The following MACROD2 variants were observed in gnomAD, a reference collection of about 807,000 sequenced individuals.
MACROD2 encodes the protein mono-ADP ribosylhydrolase 2.
Under a neutral mutation model 70.4 loss-of-function variants are expected in MACROD2, and 36 were observed. The ratio of observed to expected loss-of-function variants is 0.51; its 90% confidence interval spans 0.39 to 0.68. The LOEUF is 0.68. MACROD2 is among the 30% of genes least tolerant of loss of function. The probability of loss-of-function intolerance (pLI) is 0.00; values close to 1 mark genes in which losing one functional copy is unlikely to be tolerated. For missense variants in MACROD2, 496 were observed against 538.4 expected, an observed-to-expected ratio of 0.92 and a Z score of 0.78; for synonymous variants, 172 against 178.8, an observed-to-expected ratio of 0.96 and a Z score of 0.30.
chr20:15,751,024 G>A (rs2146980784), intron 8 of MACROD2, among the ~76,000 whole-genome samples: 1 of 151,976 alleles, frequency 6.6e-6, no homozygotes, highest in African/African-American at 2.4e-5. Flanking sequence ...GGGAGAGATT[G>A]GTCAATGCAT....
At chr20:15,469,380 A>AT (rs2046936037) in intron 7 of MACROD2, among the ~76,000 whole-genome samples, 1 of 152,196 alleles carries the variant, frequency 6.6e-6, no homozygotes, top group Non-Finnish European at 1.5e-5. Flanking sequence ...CAGGGTACAC[A>AT]TGGAATACTG....
At chr20:14,903,639 T>G (rs995372977) in intron 5 of MACROD2, among the ~76,000 whole-genome samples, 1 of 152,078 alleles carries the variant, frequency 6.6e-6, no homozygotes, top group Non-Finnish European at 1.5e-5. Context: ...TTTTGACAGG[T>G]TGCAGTATTC....
At chr20:15,221,087 A>G (rs1445247256) in intron 5 of MACROD2, among the ~76,000 whole-genome samples, 3 of 152,144 alleles carry the variant, frequency 2.0e-5, no homozygotes, top group Admixed American at 6.5e-5. Context: ...TTGTAGAATT[A>G]CCCTTGCAGT....
intron 8 of MACROD2, among the ~76,000 whole-genome samples, chr20:15,797,550 G>C (rs570213752): frequency 7.9e-5 from 12 of 152,268 alleles, no homozygotes; most frequent in African/African-American, 1.2e-4. Context: ...CAAAGTAAAA[G>C]CTTCTTAGAT....
intron 8 of MACROD2, among the ~76,000 whole-genome samples, chr20:15,810,945 A>G (rs1416268580): frequency 6.7e-6 from 1 of 150,280 alleles, no homozygotes; most frequent in Non-Finnish European, 1.5e-5. Flanking sequence ...TTCAAGATGG[A>G]TTAAAGACTT....
At chr20:14,509,846 T>A (rs1201807829) in intron 4 of MACROD2, among the ~76,000 whole-genome samples, 1 of 152,050 alleles carries the variant, frequency 6.6e-6, no homozygotes, top group African/African-American at 2.4e-5. Context: ...GTTAGATTTT[T>A]CTTCAGAACT....
intron 5 of MACROD2, among the ~76,000 whole-genome samples, chr20:15,176,831 C>G (rs2076465734): frequency 6.6e-6 from 1 of 152,176 alleles, no homozygotes; most frequent in Non-Finnish European, 1.5e-5. Context: ...TTCAGGGAGT[C>G]CAGACCTAGG....
At chr20:14,309,795 C>T (rs1373619294) in intron 3 of MACROD2, among the ~76,000 whole-genome samples, 1 of 152,064 alleles carries the variant, frequency 6.6e-6, no homozygotes. Context: ...TTCTTGACCA[C>T]GTTGGCTAAT....
intron 4 of MACROD2, among the ~76,000 whole-genome samples, chr20:14,613,123 A>C (rs1305699653): frequency 6.6e-6 from 1 of 152,106 alleles, no homozygotes; most frequent in Non-Finnish European, 1.5e-5. Context: ...GGGTATTAAA[A>C]ACAGGGGTAT....
chr20:14,925,991 A>G (rs978116925), intron 5 of MACROD2, among the ~76,000 whole-genome samples: 2 of 152,148 alleles, frequency 1.3e-5, no homozygotes, highest in Non-Finnish European at 2.9e-5. Context: ...TCTGTGGCAT[A>G]CTTACTCCAT....
At chr20:15,082,857 A>T (rs191887516) in intron 5 of MACROD2, among the ~76,000 whole-genome samples, 19 of 151,950 alleles carry the variant, frequency 1.3e-4, no homozygotes, top group African/African-American at 4.3e-4. Flanking sequence ...TTGTGCAACT[A>T]AAAAAAAGCC....
chr20:14,955,715 C>A (rs1259711009), intron 5 of MACROD2, among the ~76,000 whole-genome samples: 2 of 152,064 alleles, frequency 1.3e-5, no homozygotes, highest in Non-Finnish European at 2.9e-5. Context: ...CACCCCCAGC[C>A]CTGCAACTGC....
intron 6 of MACROD2, among the ~76,000 whole-genome samples, chr20:15,300,925 C>T (rs73265009): frequency 0.013 from 1,940 of 152,268 alleles, 15 homozygotes; most frequent in African/African-American, 0.028. Flanking sequence ...TTTGATTTCC[C>T]CCGTCTCAGC....
intron 8 of MACROD2, among the ~76,000 whole-genome samples, chr20:15,780,231 A>G (rs4813195): frequency 0.093 from 14,102 of 152,092 alleles, 1,395 homozygotes; most frequent in East Asian, 0.33. Context: ...AGAAAAATAA[A>G]TATTTATTTA....
At chr20:15,438,589 T>C (rs768545108) in intron 7 of MACROD2, among the ~76,000 whole-genome samples, 12 of 151,184 alleles carry the variant, frequency 7.9e-5, no homozygotes, top group Non-Finnish European at 1.5e-4. Flanking sequence ...AAGTCTTCCT[T>C]AGGTATGCCA....
rs549465857 is a variant in MACROD2, at chr20:15,878,053, C to T, written c.728-7711C>T. Among the ~76,000 whole-genome samples the T allele has an allele frequency of 5.7e-4, 86 of 152,084 alleles. 2 individuals are homozygous for T. The highest frequency in any genetic ancestry group is 4.1e-4 in the South Asian group (2 of 4,824). ...CTCCTTTTCTCATGCCACCCACAGACCTCCTTGAGGCTAGTCTCCATTCAT... is the reference window on the plus strand; with the variant it reads ...CTCCTTTTCTCATGCCACCCACAGATCTCCTTGAGGCTAGTCTCCATTCAT... On this transcript the variant is annotated intron_variant, in intron 9 of 17. Coordinates refer to ENST00000684519, the MANE Select transcript of MACROD2 (RefSeq NM_001351661.2).
intron 4 of MACROD2, among the ~76,000 whole-genome samples, chr20:14,503,950 C>T (rs1157206630): frequency 6.6e-6 from 1 of 152,232 alleles, no homozygotes; most frequent in Non-Finnish European, 1.5e-5. Flanking sequence ...AAGCCTTGCT[C>T]TGTCATTAGA....
chr20:15,162,620 T>G (rs902138537), intron 5 of MACROD2, among the ~76,000 whole-genome samples: 1 of 152,132 alleles, frequency 6.6e-6, no homozygotes. Context: ...GATTTCTTTT[T>G]TGGAACTACC....
intron 3 of MACROD2, among the ~76,000 whole-genome samples, chr20:14,180,783 A>C (rs1046193772): frequency 2.0e-5 from 3 of 152,104 alleles, no homozygotes; most frequent in Non-Finnish European, 1.5e-5. Flanking sequence ...CAATATCTTA[A>C]AAGAATGTTA....
Sources: allele counts gnomAD v4.1 joint callset (sites outside exome capture counted in the v4.1 genomes callset), GRCh38; gene constraint gnomAD v4.1.1; transcripts MANE v1.5; gene names NCBI Gene and HGNC (gene_info 2026-07-23, HGNC 2026-07-21).